The following RCOR1 variants were observed in gnomAD, a reference collection of about 807,000 sequenced individuals.
RCOR1 encodes REST corepressor 1.
In RCOR1, 12 loss-of-function variants were observed where a neutral mutation model predicts 64.0. The observed-to-expected ratio is 0.19, with a 90% confidence interval of 0.12 to 0.30. RCOR1 has a LOEUF of 0.30. Ranked by LOEUF, RCOR1 falls within the 10% of genes least tolerant of loss-of-function variation. RCOR1 has a pLI of 1.00. For synonymous variants in RCOR1, 279 were observed against 227.2 expected, an observed-to-expected ratio of 1.23 and a Z score of -2.05; for missense variants, 502 against 621.2, an observed-to-expected ratio of 0.81 and a Z score of 2.04.
chr14:102,650,319 G>A (rs936768557), intron 2 of RCOR1, among the ~76,000 whole-genome samples: 1 of 140,546 alleles, frequency 7.1e-6, no homozygotes, highest in African/African-American at 2.6e-5. Flanking sequence ...GGCCTGCAGT[G>A]AGTGCCACTG....
intron 3 of RCOR1, among the ~76,000 whole-genome samples, chr14:102,699,713 T>G (rs1413941480): frequency 6.6e-6 from 1 of 152,126 alleles, no homozygotes; most frequent in Non-Finnish European, 1.5e-5. Flanking sequence ...TAGGGGCTAG[T>G]CAGGATTTTA....
intron 2 of RCOR1, among the ~76,000 whole-genome samples, chr14:102,611,617 T>A (rs2139890031): frequency 6.6e-6 from 1 of 152,310 alleles, no homozygotes. Flanking sequence ...TACTTAAAAA[T>A]AGTTTGATGA....
chr14:102,636,086 C>T (rs2139915750), intron 2 of RCOR1, among the ~76,000 whole-genome samples: 1 of 152,092 alleles, frequency 6.6e-6, no homozygotes, highest in South Asian at 2.1e-4. Context: ...GCACCTGCCA[C>T]CACACCCGGC....
At chr14:102,598,529 G>A (rs138761797) in intron 2 of RCOR1, among the ~76,000 whole-genome samples, 7 of 146,028 alleles carry the variant, frequency 4.8e-5, no homozygotes, top group Middle Eastern at 3.8e-3. Flanking sequence ...CTCACTGCAA[G>A]CTCCGCATCC....
intron 2 of RCOR1, among the ~76,000 whole-genome samples, chr14:102,605,591 C>G (rs892981336): frequency 6.6e-6 from 1 of 152,124 alleles, no homozygotes; most frequent in Non-Finnish European, 1.5e-5. Flanking sequence ...GCCAGTCTTA[C>G]AAAATCTAGC....
intron 2 of RCOR1, among the ~76,000 whole-genome samples, chr14:102,620,452 A>T (rs1313416635): frequency 6.6e-6 from 1 of 152,174 alleles, no homozygotes; most frequent in African/African-American, 2.4e-5. Flanking sequence ...CTGTAATCCC[A>T]GCTACCCTGG....
chr14:102,646,770 A>G (rs1170275312), intron 2 of RCOR1, among the ~76,000 whole-genome samples: 1 of 152,254 alleles, frequency 6.6e-6, no homozygotes, highest in Non-Finnish European at 1.5e-5. Flanking sequence ...TAGGCTTAGA[A>G]GATGCATACT....
At chr14:102,601,815 C>A (rs1264543845) in intron 2 of RCOR1, among the ~76,000 whole-genome samples, 1 of 152,170 alleles carries the variant, frequency 6.6e-6, no homozygotes. Flanking sequence ...CTCCTTGCAA[C>A]ATTTTCTCTC....
intron 3 of RCOR1, among the ~76,000 whole-genome samples, chr14:102,691,266 A>G (rs984522714): frequency 2.8e-5 from 4 of 143,858 alleles, no homozygotes; most frequent in African/African-American, 2.5e-5. Context: ...TTGGGTGCAC[A>G]TGGCCATAAA....
chr14:102,602,214 A>G (rs1893415674), intron 2 of RCOR1, among the ~76,000 whole-genome samples: 1 of 152,014 alleles, frequency 6.6e-6, no homozygotes, highest in South Asian at 2.1e-4. Flanking sequence ...GTTTTTGTAA[A>G]TGGAATAATC....
At chr14:102,667,681 C>T (rs543534954) in intron 2 of RCOR1, among the ~76,000 whole-genome samples, 112 of 152,038 alleles carry the variant, frequency 7.4e-4, no homozygotes, top group African/African-American at 2.4e-3. Flanking sequence ...GGTTGGAGAG[C>T]GATGGATTTG....
chr14:102,713,582 A>C (rs895030741), intron 7 of RCOR1, among the ~76,000 whole-genome samples: 2 of 152,182 alleles, frequency 1.3e-5, no homozygotes, highest in African/African-American at 4.8e-5. Flanking sequence ...ATGCCCAGCC[A>C]CCTGGCCCGT....
intron 2 of RCOR1, among the ~76,000 whole-genome samples, chr14:102,611,569 TA>T (rs1442294958): frequency 6.6e-6 from 1 of 152,226 alleles, no homozygotes; most frequent in Non-Finnish European, 1.5e-5. Context: ...TGTATTTCTA[TA>T]AATATTCTTG....
chr14:102,677,869 T>C (rs1257441971), intron 2 of RCOR1, among the ~76,000 whole-genome samples: 4,189 of 146,154 alleles, frequency 0.029, no homozygotes, highest in Non-Finnish European at 0.042. Context: ...GTGGAGGTTG[T>C]AGCGAGCTGA....
intron 5 of RCOR1, 116 bp from the exon 6 acceptor site, chr14:102,708,349 C>G: frequency 1.5e-6 from 1 of 654,896 alleles, no homozygotes; most frequent in South Asian, 1.5e-5. Context: ...ATCCGCCTGC[C>G]TTAGCCACCC....
intron 2 of RCOR1, among the ~76,000 whole-genome samples, chr14:102,598,638 C>T (rs1460958612): frequency 1.3e-5 from 2 of 151,522 alleles, no homozygotes. Context: ...TAAGTAGAGA[C>T]GGGGTTCCAC....
intron 2 of RCOR1, among the ~76,000 whole-genome samples, chr14:102,601,449 G>C (rs1893395639): frequency 6.6e-6 from 1 of 152,206 alleles, no homozygotes. Context: ...CAGATGACAA[G>C]ACAGAATTAG....
intron 2 of RCOR1, among the ~76,000 whole-genome samples, chr14:102,602,069 G>T (rs1893410945): frequency 6.6e-6 from 1 of 151,746 alleles, no homozygotes; most frequent in Admixed American, 6.6e-5. Context: ...TGAGGCGGGA[G>T]AATTGCTTGA....
chr14:102,599,979 C>T (rs1179241060), intron 2 of RCOR1, among the ~76,000 whole-genome samples: 4 of 152,120 alleles, frequency 2.6e-5, no homozygotes, highest in Admixed American at 2.6e-4. Flanking sequence ...CCAGGCTGGT[C>T]TCTAACTCTT....
Sources: gnomAD v4.1 joint callset for allele counts (sites outside exome capture counted in the v4.1 genomes callset) on GRCh38, gnomAD v4.1.1 for gene constraint, MANE v1.5 for transcripts, NCBI Gene and HGNC (gene_info 2026-07-23, HGNC 2026-07-21) for gene names.